Variants in HMCES observed in about 807,000 individuals in gnomAD.
HMCES encodes the protein 5-hydroxymethylcytosine binding, ES cell specific, also known as abasic site processing protein HMCES.
Under a neutral mutation model 35.1 loss-of-function variants are expected in HMCES, and 27 were observed. That is an observed-to-expected ratio of 0.77 (90% CI 0.57 to 1.06). HMCES has a LOEUF of 1.06. HMCES is among the 50% of genes least tolerant of loss of function. The pLI, the probability that HMCES is intolerant of heterozygous loss-of-function variation, is 0.00. For missense variants in HMCES, 391 were observed against 430.4 expected, an observed-to-expected ratio of 0.91 and a Z score of 0.81; for synonymous variants, 130 against 154.7, an observed-to-expected ratio of 0.84 and a Z score of 1.18.
At position 129,279,776 on chromosome 3, in the gene HMCES, C is replaced by T. The variant is rs748109820; in HGVS notation, c.44C>T (p.Thr15Met). The T allele has an allele frequency of 4.3e-6, 7 of 1,613,424 alleles. No homozygotes were observed. In the East Asian group the frequency reaches 1.1e-4, roughly 26 times the overall value. ...TGTCACTTACCTAGAGATGTTCTCA[C>T]GAGAGCTTGCGCCTACCAGGATCGG... ...TSCHLPRDVL[T>M]RACAYQDRRG... is the part of the protein sequence containing the mutation. Residue 15 changes from threonine (T) to methionine (M), a missense_variant, in exon 2 of 7, where the codon ACG becomes ATG. Coordinates refer to ENST00000383463, the MANE Select transcript of HMCES (RefSeq NM_020187.3). This position sits in a 1 kb window ranked among gnomAD's most constrained non-coding sequence, Gnocchi z 4.2.
At chr3:129,286,312 C>G (rs534468274) in intron 2 of HMCES, among the ~76,000 whole-genome samples, 1 of 152,192 alleles carries the variant, frequency 6.6e-6, no homozygotes. Context: ...CCCAGAGATA[C>G]CATGTGACAA....
At chr3:129,280,185 G>A (rs1304632179) in intron 2 of HMCES, among the ~76,000 whole-genome samples, 1 of 152,150 alleles carries the variant, frequency 6.6e-6, no homozygotes, top group Admixed American at 6.5e-5. Flanking sequence ...ATTTATATGA[G>A]CTTTGTGTTT....
At chr3:129,300,118 T>C (rs1353599240) in intron 5 of HMCES, among the ~76,000 whole-genome samples, 4 of 151,092 alleles carry the variant, frequency 2.6e-5, no homozygotes, top group Admixed American at 1.3e-4. Flanking sequence ...GCCTACCATG[T>C]TTTGAGCCAG....
In HMCES at chr3:129,304,819, C is replaced by G; in HGVS notation, c.1059C>G (p.Ser353Arg). 1 of 1,613,446 alleles carries G rather than the reference C, an allele frequency of 6.2e-7. No homozygotes were observed. Among genetic ancestry groups the G allele is most frequent in the Non-Finnish European group, 8.5e-7 (1 of 1,179,420 alleles). The change falls in exon 7 of 7, where the codon AGC becomes AGG. Residue 353 changes from serine to arginine, a missense_variant. Coordinates refer to ENST00000383463, the MANE Select transcript of HMCES (RefSeq NM_020187.3). ...AACCTGTGGCCAAGCGTCCTTACAG[C>G]CAGTGACACAGGACTTTCAGAGACC... is the stretch of plus-strand genomic sequence containing the variant. The part of the protein sequence containing the change: ...EEEPVAKRPY[S>R]Q
At chr3:129,301,598 T>C (rs1238151138) in intron 5 of HMCES, among the ~76,000 whole-genome samples, 1 of 152,248 alleles carries the variant, frequency 6.6e-6, no homozygotes. Context: ...TGGTGAGGCT[T>C]GAGATTGCTG....
At chr3:129,282,264 C>G (rs116343546) in intron 2 of HMCES, among the ~76,000 whole-genome samples, 4,618 of 145,796 alleles carry the variant, frequency 0.032, 218 homozygotes, top group African/African-American at 0.12. Context: ...TTTCAGGACA[C>G]CAGCCTGAGC....
intron 5 of HMCES, 78 bp from the exon 6 acceptor site, chr3:129,301,872 G>A: frequency 1.7e-6 from 2 of 1,175,778 alleles, no homozygotes; most frequent in Non-Finnish European, 2.4e-6. Flanking sequence ...TGAGGTATCA[G>A]CTGACTCAAG....
chr3:129,298,307 A>G, intron 4 of HMCES, 47 bp from the exon 5 acceptor site: 1 of 1,557,670 alleles, frequency 6.4e-7, no homozygotes, highest in Non-Finnish European at 8.9e-7. Context: ...TGCATGTAGA[A>G]GAAGTCTGCT....
At chr3:129,291,321 C>G (rs1306672224) in intron 4 of HMCES, among the ~76,000 whole-genome samples, 1 of 152,112 alleles carries the variant, frequency 6.6e-6, no homozygotes, top group Non-Finnish European at 1.5e-5. Context: ...CAATTATTAC[C>G]TCTATTTTTA....
At chr3:129,287,638 G>A (rs1264293827) in intron 2 of HMCES, among the ~76,000 whole-genome samples, 3 of 152,150 alleles carry the variant, frequency 2.0e-5, no homozygotes, top group Non-Finnish European at 4.4e-5. Flanking sequence ...ATGAGTTGGG[G>A]AAAAGTGGGA....
At chr3:129,296,056 C>T (rs1271300971) in intron 4 of HMCES, among the ~76,000 whole-genome samples, 3 of 151,858 alleles carry the variant, frequency 2.0e-5, no homozygotes, top group Non-Finnish European at 4.4e-5. Flanking sequence ...ATACTTTTCA[C>T]TGACCGTTTT....
chr3:129,282,955 C>T (rs1232223721), intron 2 of HMCES, among the ~76,000 whole-genome samples: 1 of 152,214 alleles, frequency 6.6e-6, no homozygotes. Flanking sequence ...ACACTCTCAG[C>T]GCTGATCAGT....
intron 2 of HMCES, among the ~76,000 whole-genome samples, chr3:129,281,690 C>T (rs963944241): frequency 3.3e-5 from 5 of 151,522 alleles, no homozygotes; most frequent in Admixed American, 2.6e-4. Context: ...GACTCCATCT[C>T]AAAAAGAAAT....
intron 2 of HMCES, among the ~76,000 whole-genome samples, chr3:129,286,458 C>G (rs989384194): frequency 6.6e-6 from 1 of 152,216 alleles, no homozygotes; most frequent in African/African-American, 2.4e-5. Context: ...CTGTTGGTTA[C>G]AAGCCCGTCC....
intron 2 of HMCES, among the ~76,000 whole-genome samples, chr3:129,282,374 C>T (rs1270090665): frequency 6.6e-6 from 1 of 150,486 alleles, no homozygotes; most frequent in Non-Finnish European, 1.5e-5. Context: ...AAAAATTTGT[C>T]TAACAGATGT....
At chr3:129,288,634 G>A (rs529111100) in intron 2 of HMCES, among the ~76,000 whole-genome samples, 1 of 149,272 alleles carries the variant, frequency 6.7e-6, no homozygotes, top group Admixed American at 6.7e-5. Flanking sequence ...AGGTAGAGGT[G>A]GCATTGAGCC....
intron 4 of HMCES, among the ~76,000 whole-genome samples, chr3:129,297,323 G>C (rs771153677): frequency 6.6e-6 from 1 of 151,980 alleles, no homozygotes; most frequent in Non-Finnish European, 1.5e-5. Context: ...TCTTCCCCAG[G>C]GCGTAGGGGG....
In HMCES at chr3:129,279,528, G is replaced by C. The variant is rs1488798096; in HGVS notation, c.-23-182G>C. 6.6e-6 allele frequency among the ~76,000 whole-genome samples: 1 copy of C among 152,240 alleles called. No individual in the cohort carries two copies. The highest frequency in any genetic ancestry group is 1.5e-5 in the Non-Finnish European group (1 of 68,038). On this transcript the variant is annotated intron_variant, in intron 1 of 6. Transcript: ENST00000383463. The surrounding 1 kb of genome is among the most constrained non-coding windows in gnomAD (Gnocchi z 4.2). ...GTGCCCTGCACGGAGCTGGGCAGTG[G>C]GCTCAGGGAGCGAAGCAAACGGGCA... is the stretch of plus-strand genomic sequence containing the variant.
At chr3:129,301,388 T>C (rs2071167226) in intron 5 of HMCES, among the ~76,000 whole-genome samples, 1 of 151,584 alleles carries the variant, frequency 6.6e-6, no homozygotes, top group Admixed American at 6.6e-5. Context: ...AAATGAACAT[T>C]TGTCTGTATC....
Sources: allele counts gnomAD v4.1 joint callset (sites outside exome capture counted in the v4.1 genomes callset), GRCh38; gene constraint gnomAD v4.1.1; non-coding constraint Gnocchi (gnomAD v3.1); transcripts MANE v1.5; gene names NCBI Gene and HGNC (gene_info 2026-07-23, HGNC 2026-07-21).